The following DNAJC15 variants were observed in gnomAD, a reference collection of about 807,000 sequenced individuals.
The protein encoded by DNAJC15 is dnaJ homolog subfamily C member 15.
Under a neutral mutation model 22.4 loss-of-function variants are expected in DNAJC15, and 27 were observed. The observed-to-expected ratio is 1.20, with a 90% CI of 0.89 to 1.66. DNAJC15 has a LOEUF of 1.66. Ranked by LOEUF, DNAJC15 falls within the 40% of genes most tolerant of loss-of-function variation. The pLI is 0.00. For missense variants in DNAJC15, 208 were observed against 187.1 expected (o/e 1.11, Z -0.65); for synonymous variants, 79 against 63.2 (o/e 1.25, Z -1.19).
At chr13:43,077,085 A>G (rs986067503) in intron 3 of DNAJC15, among the ~76,000 whole-genome samples, 1 of 152,228 alleles carries the variant, frequency 6.6e-6, no homozygotes, top group African/African-American at 2.4e-5. Flanking sequence ...CTATCTGTAC[A>G]CTAATGACTC....
At chr13:43,044,887 C>T (rs2040469195) in intron 1 of DNAJC15, among the ~76,000 whole-genome samples, 2 of 152,030 alleles carry the variant, frequency 1.3e-5, no homozygotes, top group African/African-American at 4.8e-5. Context: ...TTTTAATAGA[C>T]TTACAACTCA....
In DNAJC15 at chr13:43,046,083, G is replaced by C. The variant is rs181948764; in HGVS notation, c.109-19603G>C. Among the ~76,000 whole-genome samples, 492 of 151,814 alleles carry C rather than the reference G, an allele frequency of 3.2e-3. 3 individuals are homozygous for C. The highest frequency in any genetic ancestry group is 0.011 in the African/African-American group (460 of 41,412). On this transcript the variant is annotated intron_variant, in intron 1 of 5. Transcript: ENST00000379221. ...AAATTACCTAACCTTTTTATTGGGA[G>C]TTTATTTTCCTTAATGTTTGTTTAA...
rs1418754841 is a variant in DNAJC15 at position 43,044,336 on chromosome 13, T to C, written c.108+20602T>C. ...CTCATTCTTCTTTTCCATTAGTAGA[T>C]GAGACCTCTCCATTTACCCTCTAGG... On this transcript the variant is annotated intron_variant, in intron 1 of 5. Coordinates refer to ENST00000379221, the MANE Select transcript of DNAJC15 (RefSeq NM_013238.3). Among the ~76,000 whole-genome samples the C allele has an allele frequency of 3.9e-5, 6 of 152,338 alleles. No individual in the cohort carries two copies. In the Middle Eastern group the frequency reaches 0.01, roughly 259 times the overall value.
At chr13:43,060,219 C>T (rs1029380311) in intron 1 of DNAJC15, among the ~76,000 whole-genome samples, 10 of 152,010 alleles carry the variant, frequency 6.6e-5, no homozygotes, top group South Asian at 2.1e-4. Flanking sequence ...GCTATTCGAG[C>T]GGGATTAGGG....
chr13:43,099,657 T>G (rs1403766003), intron 5 of DNAJC15, among the ~76,000 whole-genome samples: 2 of 152,208 alleles, frequency 1.3e-5, no homozygotes, highest in African/African-American at 4.8e-5. Context: ...GAATTTTTTT[T>G]TCTTTTGATG....
At chr13:43,075,918 C>G (rs970364648) in intron 3 of DNAJC15, among the ~76,000 whole-genome samples, 2 of 152,198 alleles carry the variant, frequency 1.3e-5, no homozygotes, top group South Asian at 2.1e-4. Context: ...GCCTCAGCCT[C>G]GCAAAGTGCT....
chr13:43,069,195 T>C (rs184534020), intron 3 of DNAJC15, among the ~76,000 whole-genome samples, 192 bp downstream of exon 3: 9 of 152,328 alleles, frequency 5.9e-5, no homozygotes, highest in Admixed American at 5.9e-4. Context: ...TATTTTTATA[T>C]CTAACTTTAT....
intron 4 of DNAJC15, among the ~76,000 whole-genome samples, chr13:43,082,044 C>T (rs1466310641): frequency 2.6e-5 from 4 of 152,026 alleles, no homozygotes; most frequent in Non-Finnish European, 4.4e-5. Flanking sequence ...CAGGAAAACC[C>T]GCCCCCATCA....
chr13:43,089,980 A>G (rs2040706448), intron 5 of DNAJC15, among the ~76,000 whole-genome samples: 2 of 152,226 alleles, frequency 1.3e-5, no homozygotes, highest in African/African-American at 2.4e-5. Flanking sequence ...ACACCAGTCT[A>G]TCCATATATA....
chr13:43,101,780 C>A (rs2040770307), intron 5 of DNAJC15, among the ~76,000 whole-genome samples: 1 of 152,134 alleles, frequency 6.6e-6, no homozygotes, highest in Non-Finnish European at 1.5e-5. Context: ...CTTTTTATGG[C>A]TGAGTAGTAT....
rs189689270 is a variant in DNAJC15, at chr13:43,043,748, G to A, written c.108+20014G>A. Among the ~76,000 whole-genome samples, 249 of 152,316 alleles carry A rather than the reference G, an allele frequency of 1.6e-3. 3 individuals are homozygous for A. The highest frequency in any genetic ancestry group is 2.5e-4 in the Non-Finnish European group (17 of 68,018). On this transcript the variant is annotated intron_variant, in intron 1 of 5. Transcript: ENST00000379221. Reference sequence around the variant, plus strand: ...ATACTAATGCTTGCCTGTGGTTTAAGAGAAATTAAGCAACTTAAAAACAGA... The same window carrying A: ...ATACTAATGCTTGCCTGTGGTTTAAAAGAAATTAAGCAACTTAAAAACAGA...
chr13:43,049,696 T>C (rs2040494186), intron 1 of DNAJC15, among the ~76,000 whole-genome samples: 1 of 152,250 alleles, frequency 6.6e-6, no homozygotes, highest in African/African-American at 2.4e-5. Flanking sequence ...CTTATACTTC[T>C]GTTTTCTACA....
intron 5 of DNAJC15, among the ~76,000 whole-genome samples, chr13:43,102,250 GT>G (rs1457869858): frequency 6.6e-6 from 1 of 151,926 alleles, no homozygotes; most frequent in Non-Finnish European, 1.5e-5. Context: ...GTCTTTTCAT[GT>G]CCTTAGCCCA....
At chr13:43,057,662 G>T (rs11617373) in intron 1 of DNAJC15, among the ~76,000 whole-genome samples, 33,395 of 152,122 alleles carry the variant, frequency 0.22, 4,394 homozygotes, top group Non-Finnish European at 0.3. Flanking sequence ...TTTTGGAGAT[G>T]TTAAAGAACC....
Position 43,085,758 on chromosome 13 carries a change from C to G in DNAJC15, c.312-10C>G, listed in dbSNP as rs781672288. The G allele has an allele frequency of 6.2e-7, 1 of 1,609,030 alleles. No homozygotes were observed. The highest frequency in any genetic ancestry group is 8.5e-7 in the Non-Finnish European group (1 of 1,178,270). ...CTATTTATTATAAGCACTGTAATTTCTTTTTACAGCCCATCTGCTGGCAAG... is the reference window on the plus strand; with the variant it reads ...CTATTTATTATAAGCACTGTAATTTGTTTTTACAGCCCATCTGCTGGCAAG... On this transcript the variant is annotated splice_polypyrimidine_tract_variant and intron_variant, in intron 4 of 5. Transcript: ENST00000379221.
At chr13:43,029,741 G>C (rs976300748) in intron 1 of DNAJC15, among the ~76,000 whole-genome samples, 3 of 151,944 alleles carry the variant, frequency 2.0e-5, no homozygotes, top group Non-Finnish European at 4.4e-5. Flanking sequence ...TGATCTGCTG[G>C]CATTATTTAA....
chr13:43,028,806 C>T (rs1472896477), intron 1 of DNAJC15, among the ~76,000 whole-genome samples: 1 of 152,122 alleles, frequency 6.6e-6, no homozygotes, highest in Non-Finnish European at 1.5e-5. Flanking sequence ...GAAGCCTTCC[C>T]TGACCCCAGT....
intron 1 of DNAJC15, among the ~76,000 whole-genome samples, chr13:43,028,303 G>A (rs1206781348): frequency 6.6e-6 from 1 of 152,044 alleles, no homozygotes; most frequent in East Asian, 1.9e-4. Flanking sequence ...CTTGACTAGT[G>A]CCATCATGTG....
rs1489946382 is a variant in DNAJC15 at position 43,111,031 on chromosome 13, CA to C, written c.*3785del. The C allele has an allele frequency of 6.6e-6, 1 of 152,148 alleles. No homozygotes were observed. The highest frequency in any genetic ancestry group is 1.5e-5 in the Non-Finnish European group (1 of 68,032). 9.4% of individuals were successfully genotyped at this position (152,148 alleles called of 1,614,324 possible). On this transcript the variant is annotated 3_prime_UTR_variant, in exon 6 of 6. Coordinates refer to ENST00000379221, the MANE Select transcript of DNAJC15 (RefSeq NM_013238.3). ...CTAGGAAGGCCTTTTAAAAATAAAA[CA>C]ATTCCGATTGCAGAGAAAGTGTAAG... is the stretch of plus-strand genomic sequence containing the variant.
Sources: gnomAD v4.1 joint callset for allele counts (sites outside exome capture counted in the v4.1 genomes callset) on GRCh38, gnomAD v4.1.1 for gene constraint, MANE v1.5 for transcripts, NCBI Gene and HGNC (gene_info 2026-07-23, HGNC 2026-07-21) for gene names.